Variants in SLCO1B1 observed in about 807,000 individuals in gnomAD.
The protein encoded by SLCO1B1 is solute carrier organic anion transporter family member 1B1, also known as OATP-2.
In SLCO1B1, 81 loss-of-function variants were observed where a neutral mutation model predicts 70.1. That is an observed-to-expected ratio of 1.16 (90% CI 0.97 to 1.39). SLCO1B1 has a LOEUF of 1.39. SLCO1B1 is among the 40% of genes most tolerant of loss of function. The pLI is 0.00. For synonymous variants in SLCO1B1, 283 were observed against 271.5 expected (o/e 1.04, Z -0.42); for missense variants, 895 against 799.6 (o/e 1.12, Z -1.44).
At chr12:21,141,822 C>G (rs1940313607) in intron 2 of SLCO1B1, among the ~76,000 whole-genome samples, 164 bp downstream of exon 2, 1 of 151,790 alleles carries the variant, frequency 6.6e-6, no homozygotes, top group Non-Finnish European at 1.5e-5. Flanking sequence ...TTAAACCAGT[C>G]TTTTAATCTG....
chr12:21,132,012 G>A (rs887861409), intron 1 of SLCO1B1, among the ~76,000 whole-genome samples: 20 of 152,094 alleles, frequency 1.3e-4, no homozygotes, highest in African/African-American at 4.6e-4. Flanking sequence ...ACAGTCCCCG[G>A]TGTGTGATGT....
At chr12:21,208,641 T>C (rs115904660) in intron 11 of SLCO1B1, among the ~76,000 whole-genome samples, 1,625 of 152,202 alleles carry the variant, frequency 0.011, 31 homozygotes, top group African/African-American at 0.036. Context: ...TTTACAATAG[T>C]TTTATTCTAA....
intron 2 of SLCO1B1, among the ~76,000 whole-genome samples, chr12:21,149,727 G>T (rs1940440798): frequency 6.6e-6 from 1 of 152,142 alleles, no homozygotes; most frequent in South Asian, 2.1e-4. Context: ...ATTCCCTCGG[G>T]TGCCTACACC....
At chr12:21,153,147 T>G (rs927823115) in intron 2 of SLCO1B1, among the ~76,000 whole-genome samples, 7 of 152,172 alleles carry the variant, frequency 4.6e-5, no homozygotes, top group African/African-American at 1.7e-4. Context: ...TCACCTCTTT[T>G]ACAGATCCAG....
chr12:21,188,581 T>C (rs1487456512), intron 7 of SLCO1B1, among the ~76,000 whole-genome samples: 1 of 152,076 alleles, frequency 6.6e-6, no homozygotes, highest in African/African-American at 2.4e-5. Flanking sequence ...TGGGAGGTGA[T>C]TGGGTGATAA....
chr12:21,210,779 G>A (rs11519275), intron 11 of SLCO1B1, among the ~76,000 whole-genome samples: 9 of 146,926 alleles, frequency 6.1e-5, no homozygotes, highest in Non-Finnish European at 1.4e-4. Context: ...CCTTCACATC[G>A]CTTGTAAGTT....
intron 2 of SLCO1B1, among the ~76,000 whole-genome samples, chr12:21,148,163 G>A (rs1183875468): frequency 1.3e-5 from 2 of 152,120 alleles, no homozygotes; most frequent in African/African-American, 2.4e-5. Context: ...TAGGTTGCCT[G>A]TTCACTCTGA....
At chr12:21,222,883 T>C (rs1941444220) in intron 13 of SLCO1B1, among the ~76,000 whole-genome samples, 2 of 152,092 alleles carry the variant, frequency 1.3e-5, no homozygotes, top group African/African-American at 2.4e-5. Context: ...AAGAAGCGTA[T>C]TTGATGATAA....
chr12:21,209,362 T>C (rs1277265949), intron 11 of SLCO1B1, among the ~76,000 whole-genome samples: 1 of 152,136 alleles, frequency 6.6e-6, no homozygotes, highest in Non-Finnish European at 1.5e-5. Context: ...TCCAGTTTCA[T>C]CCATGTCCCT....
rs4149102 is a variant in SLCO1B1, at chr12:21,222,372, GAAA to G, written c.1747+32_1747+34del. On this transcript the variant is annotated intron_variant, in intron 13 of 14. Coordinates refer to ENST00000256958, the MANE Select transcript of SLCO1B1 (RefSeq NM_006446.5). ...TGGTTATACGAGCACTAGGTATGAT[GAAA>G]AAAAAAAAAAAAAAAAAAAAAAATA... 73 of 24,882 alleles carry G rather than the reference GAAA, an allele frequency of 2.9e-3. No homozygotes were observed. The highest frequency in any genetic ancestry group is 5.5e-3 in the African/African-American group (18 of 3,248). 1.5% of individuals were successfully genotyped at this position (24,882 alleles called of 1,614,324 possible). A position where few individuals can be genotyped will look rare whatever the true frequency, so the allele number is the denominator to read the frequency against.
intron 7 of SLCO1B1, among the ~76,000 whole-genome samples, chr12:21,196,162 G>C (rs141959641): frequency 1.8e-3 from 274 of 152,238 alleles, no homozygotes; most frequent in African/African-American, 6.4e-3. Flanking sequence ...TAATGGAATT[G>C]ATCGCTGTAT....
In SLCO1B1 at chr12:21,134,843, C is replaced by T. The variant is rs575758466; in HGVS notation, c.-62+3607C>T. Among the ~76,000 whole-genome samples, 22 of 152,218 alleles carry T rather than the reference C, an allele frequency of 1.4e-4. No individual in the cohort carries two copies. In the South Asian group the frequency reaches 4.6e-3, roughly 32 times the overall value. Reference sequence around the variant, plus strand: ...TGTGTCTCTATTTCCTTCAGTTCTGCTCTGATGGTAGTTATTTCTTGCCTT... The same window carrying T: ...TGTGTCTCTATTTCCTTCAGTTCTGTTCTGATGGTAGTTATTTCTTGCCTT... On this transcript the variant is annotated intron_variant, in intron 1 of 14. Transcript: ENST00000256958.
chr12:21,238,671 C>A (rs1408160495), intron 14 of SLCO1B1, among the ~76,000 whole-genome samples: 2 of 152,016 alleles, frequency 1.3e-5, no homozygotes, highest in African/African-American at 4.8e-5. Flanking sequence ...AAATTTCAAA[C>A]ATACTTCTCA....
At chr12:21,194,290 G>T (rs11045845) in intron 7 of SLCO1B1, among the ~76,000 whole-genome samples, 1,584 of 151,002 alleles carry the variant, frequency 0.01, 38 homozygotes, top group South Asian at 0.039. Flanking sequence ...GTGCTGGGAT[G>T]ACAGGCGTGA....
chr12:21,146,057 A>C (rs949056092), intron 2 of SLCO1B1, among the ~76,000 whole-genome samples: 1 of 152,182 alleles, frequency 6.6e-6, no homozygotes, highest in African/African-American at 2.4e-5. Flanking sequence ...GGTAGAATTC[A>C]ACAGTGAAAC....
Position 21,239,580 on chromosome 12 carries a change from A to C in SLCO1B1, c.*391A>C, listed in dbSNP as rs1271836474. On this transcript the variant is annotated 3_prime_UTR_variant, in exon 15 of 15. Coordinates refer to ENST00000256958, the MANE Select transcript of SLCO1B1 (RefSeq NM_006446.5). Reference sequence around the variant, plus strand: ...ATATCCTAAGTAAAGAGAAATGCCTAGTGTCTATTTTATTAAACAAACAAA... The same window carrying C: ...ATATCCTAAGTAAAGAGAAATGCCTCGTGTCTATTTTATTAAACAAACAAA... 3.3e-5 allele frequency among the ~76,000 whole-genome samples: 5 copies of C among 152,228 alleles called. No individual in the cohort carries two copies. The highest frequency in any genetic ancestry group is 7.3e-5 in the Non-Finnish European group (5 of 68,032).
chr12:21,156,818 G>A (rs557585299), intron 2 of SLCO1B1, among the ~76,000 whole-genome samples: 1 of 152,146 alleles, frequency 6.6e-6, no homozygotes, highest in Non-Finnish European at 1.5e-5. Flanking sequence ...GTATTTTACA[G>A]AGGTAAGAAC....
At chr12:21,131,758 G>A (rs1940136843) in intron 1 of SLCO1B1, among the ~76,000 whole-genome samples, 1 of 152,088 alleles carries the variant, frequency 6.6e-6, no homozygotes. Context: ...GATACAGGGT[G>A]AAGGGAAATA....
intron 7 of SLCO1B1, among the ~76,000 whole-genome samples, chr12:21,190,590 A>G (rs999835783): frequency 1.3e-5 from 2 of 152,128 alleles, no homozygotes; most frequent in African/African-American, 2.4e-5. Context: ...TGAATTCTAT[A>G]ATGATAAATT....
Sources: allele counts gnomAD v4.1 joint callset (sites outside exome capture counted in the v4.1 genomes callset), GRCh38; gene constraint gnomAD v4.1.1; transcripts MANE v1.5; gene names NCBI Gene and HGNC (gene_info 2026-07-23, HGNC 2026-07-21).